JAK2: variants seen among roughly 807,000 people sequenced by gnomAD.
JAK2 encodes tyrosine-protein kinase JAK2.
In JAK2, 86 loss-of-function variants were observed where a neutral mutation model predicts 139.3. The observed-to-expected ratio is 0.62, with a 90% CI of 0.52 to 0.74. JAK2 has a LOEUF of 0.74. Among genes scored for constraint, JAK2 ranks in the 30% least tolerant of loss-of-function variants. JAK2 has a pLI of 0.00. For synonymous variants in JAK2, 490 were observed against 437.7 expected (o/e 1.12, Z -1.49); for missense variants, 1,421 against 1,360.3 (o/e 1.04, Z -0.70).
chr9:5,078,267 G>A (rs1453320585), intron 15 of JAK2, 39 bp from the exon 16 acceptor site: 2 of 1,570,060 alleles, frequency 1.3e-6, no homozygotes, highest in Non-Finnish European at 1.7e-6. Context: ...CAGTACTTGT[G>A]GACTGATATT....
chr9:5,029,272 G>A (rs760005676), intron 3 of JAK2, among the ~76,000 whole-genome samples: 4 of 152,058 alleles, frequency 2.6e-5, no homozygotes, highest in South Asian at 2.1e-4. Flanking sequence ...TTGCTGGAGC[G>A]GTCAGAACAC....
chr9:5,009,242 A>C (rs1821524733), intron 2 of JAK2, among the ~76,000 whole-genome samples: 1 of 152,206 alleles, frequency 6.6e-6, no homozygotes, highest in African/African-American at 2.4e-5. Context: ...AGAACGATCC[A>C]TTTATTTATT....
At position 5,091,836 on chromosome 9, in the gene JAK2, C is replaced by A. The variant is rs561321238; in HGVS notation, c.3059+925C>A. 2.0e-5 allele frequency among the ~76,000 whole-genome samples: 3 copies of A among 152,022 alleles called. No homozygotes were observed. The South Asian group carries it at 6.2e-4, about 32-fold the overall frequency. On this transcript the variant is annotated intron_variant, in intron 22 of 24. Transcript: ENST00000381652. ...AGAAGTTAAATGTCTATAATGGGTA[C>A]TTTAAGGTTGTTAGTTATGAAATTA...
intron 22 of JAK2, chr9:5,111,734 T>C: frequency 2.3e-6 from 1 of 431,696 alleles, no homozygotes; most frequent in Non-Finnish European, 4.6e-6. Flanking sequence ...GCGCGTGGGC[T>C]ACCGGCTGCA....
Position 5,129,085 on chromosome 9 carries a change from A to G in JAK2, c.*2294A>G, listed in dbSNP as rs772267127. ...ACCTAAGGCTTCTAGTTTACAGTCAAGTGTAATTTTCATCACAACTATAAC... is the reference window on the plus strand; with the variant it reads ...ACCTAAGGCTTCTAGTTTACAGTCAGGTGTAATTTTCATCACAACTATAAC... On this transcript the variant is annotated 3_prime_UTR_variant, in exon 25 of 25. Coordinates refer to ENST00000381652, the MANE Select transcript of JAK2 (RefSeq NM_004972.4). 6.6e-6 allele frequency among the ~76,000 whole-genome samples: 1 copy of G among 152,002 alleles called. No individual in the cohort carries two copies. Among genetic ancestry groups the G allele is most frequent in the Non-Finnish European group, 1.5e-5 (1 of 67,902 alleles).
intron 3 of JAK2, among the ~76,000 whole-genome samples, chr9:5,027,873 C>T (rs888715694): frequency 6.6e-6 from 1 of 152,188 alleles, no homozygotes; most frequent in Non-Finnish European, 1.5e-5. Flanking sequence ...AGCTCCACTT[C>T]TAATTTTAGT....
At chr9:5,008,319 A>G (rs753409780) in intron 2 of JAK2, among the ~76,000 whole-genome samples, 2 of 152,208 alleles carry the variant, frequency 1.3e-5, no homozygotes, top group Non-Finnish European at 2.9e-5. Flanking sequence ...TCTACTTTCT[A>G]AAATATTCCA....
At position 5,069,143 on chromosome 9, in the gene JAK2, T is replaced by A. The variant is rs1191966886; in HGVS notation, c.1448T>A (p.Met483Lys). 6.2e-7 allele frequency: 1 copy of A among 1,613,448 alleles called. No homozygotes were observed. Among genetic ancestry groups the A allele is most frequent in the Non-Finnish European group, 8.5e-7 (1 of 1,179,620 alleles). The stretch of plus-strand genomic sequence containing the variant: ...AAAGATCTTTTGAATTGTTACCAGA[T>A]GGAAACTGTTCGCTCAGACAATATA... ...SLKDLLNCYQ[M>K]ETVRSDNIIF... Residue 483 changes from methionine (M) to lysine (K), a missense_variant, in exon 11 of 25, where the codon ATG (methionine) becomes AAG (lysine). Transcript: ENST00000381652.
chr9:5,045,941 A>AT (rs1030742580), intron 5 of JAK2, among the ~76,000 whole-genome samples: 5 of 151,880 alleles, frequency 3.3e-5, no homozygotes, highest in African/African-American at 7.3e-5. Flanking sequence ...TAAATTTATA[A>AT]TTTTTTTTGA....
intron 22 of JAK2, chr9:5,098,678 A>C (rs1428807048): frequency 6.6e-6 from 1 of 152,124 alleles, no homozygotes; most frequent in South Asian, 2.1e-4. Context: ...ATAGACTATG[A>C]AGAATTAAGC....
chr9:5,118,221 A>G (rs1823352745), intron 22 of JAK2, among the ~76,000 whole-genome samples: 1 of 152,214 alleles, frequency 6.6e-6, no homozygotes, highest in Admixed American at 6.5e-5. Flanking sequence ...TAAAAAGATT[A>G]TATGAATAGA....
At chr9:4,995,457 C>T (rs186767250) in intron 2 of JAK2, among the ~76,000 whole-genome samples, 217 of 152,284 alleles carry the variant, frequency 1.4e-3, no homozygotes, top group African/African-American at 4.1e-3. Flanking sequence ...TAAGATGGGA[C>T]GCAACTTTTT....
At chr9:5,095,336 T>C (rs1033703006) in intron 22 of JAK2, among the ~76,000 whole-genome samples, 4 of 151,970 alleles carry the variant, frequency 2.6e-5, no homozygotes, top group African/African-American at 4.8e-5. Flanking sequence ...GGAATAAATA[T>C]AGTAGTTCTT....
intron 2 of JAK2, among the ~76,000 whole-genome samples, chr9:5,021,026 A>G (rs1417137631): frequency 6.6e-6 from 1 of 152,120 alleles, no homozygotes; most frequent in South Asian, 2.1e-4. Context: ...CCCAGGGCCC[A>G]TGAAAGTTGA....
chr9:5,055,141 A>C (rs1817676122), intron 7 of JAK2, among the ~76,000 whole-genome samples: 1 of 152,046 alleles, frequency 6.6e-6, no homozygotes, highest in Admixed American at 6.6e-5. Flanking sequence ...AAATTCTAAA[A>C]GTGATTTTAA....
At chr9:5,094,142 T>C (rs1200090087) in intron 22 of JAK2, 1 of 152,154 alleles carries the variant, frequency 6.6e-6, no homozygotes, top group African/African-American at 2.4e-5. Flanking sequence ...CCCACTCTAA[T>C]TGCTATAGCA....
At chr9:5,057,181 A>C (rs1817824393) in intron 8 of JAK2, among the ~76,000 whole-genome samples, 1 of 151,874 alleles carries the variant, frequency 6.6e-6, no homozygotes. Flanking sequence ...TTCTTGCTGA[A>C]TTTTATTCAT....
intron 3 of JAK2, 88 bp downstream of exon 3, chr9:5,022,301 TTTTTA>T (rs1822483218): frequency 1.3e-6 from 1 of 763,224 alleles, no homozygotes; most frequent in African/African-American, 1.8e-5. Flanking sequence ...ATAATATATA[TTTTTA>T]TTTTTTTAAT....
At chr9:5,057,284 T>A (rs10815148) in intron 8 of JAK2, among the ~76,000 whole-genome samples, 50,078 of 151,924 alleles carry the variant, frequency 0.33, 8,901 homozygotes, top group African/African-American at 0.47. Context: ...GGAAAGTAAT[T>A]TTTGCTTATT....
Sources: gnomAD v4.1 joint callset for allele counts (sites outside exome capture counted in the v4.1 genomes callset) on GRCh38, gnomAD v4.1.1 for gene constraint, MANE v1.5 for transcripts, NCBI Gene and HGNC (gene_info 2026-07-23, HGNC 2026-07-21) for gene names.